CAST: variants seen among roughly 807,000 people sequenced by gnomAD.
CAST encodes calpastatin.
In CAST, 76 loss-of-function variants were observed where a neutral mutation model predicts 119.6. The observed-to-expected ratio is 0.64, with a 90% confidence interval of 0.53 to 0.77. The LOEUF (loss-of-function observed/expected upper bound fraction) is 0.77. Among genes scored for constraint, CAST ranks in the 30% least tolerant of loss-of-function variants. The pLI, the probability that CAST is intolerant of heterozygous loss-of-function variation, is 0.00. For missense variants in CAST, 953 were observed against 946.5 expected, an observed-to-expected ratio of 1.01 and a Z score of -0.09; for synonymous variants, 319 against 331.6, an observed-to-expected ratio of 0.96 and a Z score of 0.41.
chr5:96,678,288 C>G (rs564000750), intron 2 of CAST, among the ~76,000 whole-genome samples: 13 of 152,276 alleles, frequency 8.5e-5, no homozygotes, highest in African/African-American at 3.1e-4. Flanking sequence ...CATGTACCCT[C>G]CAATGTTAAA....
At chr5:96,516,725 C>T in the CAST span, among the ~76,000 whole-genome samples, 362 of 152,314 alleles carry the variant, frequency 2.4e-3, 2 homozygotes, top group African/African-American at 8.4e-3. Flanking sequence ...CTAGAGTTCA[C>T]GACTTGACAA....
At chr5:96,310,997 CTA>C in the CAST span, among the ~76,000 whole-genome samples, 4 of 151,340 alleles carry the variant, frequency 2.6e-5, no homozygotes, top group Non-Finnish European at 4.4e-5. Context: ...TCTTCTTTTT[CTA>C]TTTCCTTGGG....
chr5:96,595,489 T>G (rs931230719), intron 1 of CAST, among the ~76,000 whole-genome samples: 5 of 152,022 alleles, frequency 3.3e-5, no homozygotes, highest in African/African-American at 1.2e-4. Context: ...AGGACCCCAG[T>G]CATGGAGGGA....
the CAST span, among the ~76,000 whole-genome samples, chr5:96,129,703 A>G: frequency 6.6e-6 from 1 of 152,096 alleles, no homozygotes; most frequent in Non-Finnish European, 1.5e-5. Flanking sequence ...GACATCAGAG[A>G]TATTTTTCTA....
the CAST span, among the ~76,000 whole-genome samples, chr5:96,035,774 T>C: frequency 2.8e-4 from 43 of 151,796 alleles, no homozygotes; most frequent in Middle Eastern, 3.4e-3. Flanking sequence ...TGTGTGTGTG[T>C]GTGTAAAGCA....
At chr5:96,452,586 A>G in the CAST span, among the ~76,000 whole-genome samples, 2 of 146,608 alleles carry the variant, frequency 1.4e-5, no homozygotes, top group Non-Finnish European at 3.0e-5. Context: ...GCACATGTAT[A>G]CCTAGGTTAC....
chr5:96,617,702 T>G (rs190726230), intron 1 of CAST, among the ~76,000 whole-genome samples: 140 of 141,478 alleles, frequency 9.9e-4, no homozygotes, highest in East Asian at 2.5e-3. Context: ...TGAGGCAGGA[T>G]AATGGCGTGA....
chr5:96,597,452 A>T (rs1747072736), intron 1 of CAST, among the ~76,000 whole-genome samples: 1 of 152,240 alleles, frequency 6.6e-6, no homozygotes, highest in South Asian at 2.1e-4. Flanking sequence ...GATTTCAGGC[A>T]GGACAAGAAG....
At chr5:96,521,635 T>G (rs1745520217), upstream of CAST, among the ~76,000 whole-genome samples, 1 of 152,240 alleles carries the variant, frequency 6.6e-6, no homozygotes. Flanking sequence ...TTTATTTGTC[T>G]CTCACTCTTT....
chr5:96,156,182 C>T, the CAST span, among the ~76,000 whole-genome samples: 1 of 152,158 alleles, frequency 6.6e-6, no homozygotes, highest in East Asian at 1.9e-4. Context: ...TTGCTGAGGC[C>T]CCAAGAGGAC....
At chr5:96,186,055 AG>A in the CAST span, among the ~76,000 whole-genome samples, 1 of 152,152 alleles carries the variant, frequency 6.6e-6, no homozygotes, top group African/African-American at 2.4e-5. Flanking sequence ...ATCCTTTAAA[AG>A]GTCCTTCACT....
the CAST span, among the ~76,000 whole-genome samples, chr5:96,394,244 G>A: frequency 2.3e-4 from 35 of 152,304 alleles, no homozygotes; most frequent in African/African-American, 7.9e-4. Flanking sequence ...AAGAAAATGT[G>A]GGCTTTTCTC....
the CAST span, among the ~76,000 whole-genome samples, chr5:96,483,763 C>T: frequency 1.1e-4 from 17 of 152,112 alleles, no homozygotes; most frequent in African/African-American, 2.9e-4. Context: ...ATAGCTCTAT[C>T]TTGATTTATA....
the CAST span, among the ~76,000 whole-genome samples, chr5:96,406,081 A>C: frequency 1.3e-5 from 2 of 152,104 alleles, no homozygotes; most frequent in Non-Finnish European, 2.9e-5. Context: ...CCAACAATTC[A>C]TGTTGGATTA....
the CAST span, among the ~76,000 whole-genome samples, chr5:96,070,198 A>G: frequency 2.6e-5 from 4 of 152,202 alleles, no homozygotes; most frequent in East Asian, 5.8e-4. Flanking sequence ...CACTATCCCT[A>G]GTCAAGTAAT....
rs1381203154 is a variant in CAST, at chr5:96,770,536, G to GTGC, written c.2275_2277dup (p.Cys759dup). On this transcript the variant is annotated inframe_insertion, in exon 30 of 32. Coordinates refer to ENST00000675179, the MANE Select transcript of CAST (RefSeq NM_001750.7). ...TTACATTTCCTTTGCTTTAGGATAA[G>GTGC]TGCAAGAAGGCTGCTTCCAGCTCCA... The GTGC allele has an allele frequency of 6.2e-7, 1 of 1,611,442 alleles. No individual in the cohort carries two copies. The highest frequency in any genetic ancestry group is 1.1e-5 in the South Asian group (1 of 91,006).
At chr5:96,417,995 G>A in the CAST span, among the ~76,000 whole-genome samples, 22 of 152,350 alleles carry the variant, frequency 1.4e-4, 2 homozygotes, top group South Asian at 4.6e-3. Flanking sequence ...CAGGTCTTCA[G>A]CCTGAGCCAA....
At chr5:96,600,636 C>A (rs1211477041) in intron 1 of CAST, among the ~76,000 whole-genome samples, 2 of 152,122 alleles carry the variant, frequency 1.3e-5, no homozygotes, top group Non-Finnish European at 2.9e-5. Context: ...TTCGGAAAAA[C>A]CCAGCTCTAT....
the CAST span, among the ~76,000 whole-genome samples, chr5:96,063,026 T>C: frequency 6.6e-6 from 1 of 152,108 alleles, no homozygotes; most frequent in Admixed American, 6.6e-5. Flanking sequence ...TCACATAAAC[T>C]TCTGCAGGAA....
Sources: allele counts gnomAD v4.1 joint callset (sites outside exome capture counted in the v4.1 genomes callset), GRCh38; gene constraint gnomAD v4.1.1; transcripts MANE v1.5; gene names NCBI Gene and HGNC (gene_info 2026-07-23, HGNC 2026-07-21).